Variants in TECRL observed in about 807,000 individuals in gnomAD.
The protein encoded by TECRL is trans-2,3-enoyl-CoA reductase like.
In TECRL, 63 loss-of-function variants were observed where a neutral mutation model predicts 52.8. The observed-to-expected ratio is 1.19, with a 90% CI of 0.97 to 1.47. The LOEUF (loss-of-function observed/expected upper bound fraction) is 1.47, where lower values mean the gene tolerates loss of function less well. Ranked by LOEUF, TECRL falls within the 40% of genes most tolerant of loss-of-function variation. The pLI, the probability that TECRL is intolerant of heterozygous loss-of-function variation, is 0.00. For missense variants in TECRL, 482 were observed against 429.6 expected, an observed-to-expected ratio of 1.12 and a Z score of -1.08; for synonymous variants, 164 against 141.9, an observed-to-expected ratio of 1.16 and a Z score of -1.10.
intron 7 of TECRL, among the ~76,000 whole-genome samples, chr4:64,304,109 T>C (rs1724185219): frequency 1.3e-5 from 2 of 152,072 alleles, no homozygotes; most frequent in South Asian, 4.1e-4. Context: ...TTAACTACTA[T>C]TATTATTTTG....
chr4:64,318,149 C>G (rs73228576), intron 4 of TECRL, among the ~76,000 whole-genome samples: 1,741 of 152,216 alleles, frequency 0.011, 45 homozygotes, highest in African/African-American at 0.04. Context: ...TTTTCACATA[C>G]ATTTTCTGTA....
At chr4:64,305,618 G>T (rs1291304964) in intron 6 of TECRL, among the ~76,000 whole-genome samples, 1 of 152,130 alleles carries the variant, frequency 6.6e-6, no homozygotes, top group Non-Finnish European at 1.5e-5. Flanking sequence ...CCAGCCACCT[G>T]CAGAGGCACA....
chr4:64,369,825 A>C (rs1721863458), intron 2 of TECRL, among the ~76,000 whole-genome samples: 1 of 152,028 alleles, frequency 6.6e-6, no homozygotes, highest in Non-Finnish European at 1.5e-5. Flanking sequence ...GAAAAAAGTT[A>C]ATTGTTTTTA....
chr4:64,390,935 A>G (rs1723505570), intron 1 of TECRL, among the ~76,000 whole-genome samples: 1 of 151,894 alleles, frequency 6.6e-6, no homozygotes, highest in Non-Finnish European at 1.5e-5. Flanking sequence ...GAAAGTTCAT[A>G]TCACTAATGA....
chr4:64,318,357 T>C (rs2110020419), intron 4 of TECRL, among the ~76,000 whole-genome samples: 1 of 151,990 alleles, frequency 6.6e-6, no homozygotes, highest in African/African-American at 2.4e-5. Flanking sequence ...AAAAGAAAAA[T>C]ATTGAAATGT....
At chr4:64,287,405 T>A (rs1723133056) in intron 9 of TECRL, among the ~76,000 whole-genome samples, 1 of 152,196 alleles carries the variant, frequency 6.6e-6, no homozygotes. Context: ...ATGTTTTATA[T>A]GTTTCACTAG....
At chr4:64,364,261 G>A (rs1237641061) in intron 2 of TECRL, among the ~76,000 whole-genome samples, 2 of 152,022 alleles carry the variant, frequency 1.3e-5, no homozygotes, top group African/African-American at 2.4e-5. Flanking sequence ...CACAACTAAA[G>A]CAGTGTTAAC....
intron 8 of TECRL, among the ~76,000 whole-genome samples, chr4:64,294,521 C>A (rs775704879): frequency 1.4e-4 from 21 of 151,928 alleles, no homozygotes; most frequent in Non-Finnish European, 2.8e-4. Context: ...TAGGTACCGA[C>A]GAAGAAACAT....
chr4:64,400,324 C>G (rs12511413), intron 1 of TECRL, among the ~76,000 whole-genome samples: 97,360 of 151,948 alleles, frequency 0.64, 32,479 homozygotes, highest in Non-Finnish European at 0.74. Context: ...TTGTATCTTG[C>G]ATGTAACTAA....
In TECRL at chr4:64,338,968, G is replaced by A. The variant is rs553467611; in HGVS notation, c.287-10412C>T. Among the ~76,000 whole-genome samples the A allele has an allele frequency of 1.7e-4, 26 of 152,126 alleles. No homozygotes were observed. The East Asian group carries it at 3.9e-3, about 23-fold the overall frequency. On this transcript the variant is annotated intron_variant, in intron 2 of 11. Coordinates refer to ENST00000381210, the MANE Select transcript of TECRL (RefSeq NM_001010874.5). ...AAAGGAATATAAATCATGCTGCTATGAAGACACATGCACATGTATGTTTAT... is the reference window on the plus strand; with the variant it reads ...AAAGGAATATAAATCATGCTGCTATAAAGACACATGCACATGTATGTTTAT...
intron 1 of TECRL, 92 bp downstream of exon 1, chr4:64,409,026 T>C: frequency 2.7e-6 from 3 of 1,127,756 alleles, no homozygotes; most frequent in Non-Finnish European, 2.5e-6. Flanking sequence ...TTCAGAACAG[T>C]CGTGTTAGAA....
At chr4:64,373,624 A>T (rs1722134319) in intron 2 of TECRL, among the ~76,000 whole-genome samples, 2 of 151,706 alleles carry the variant, frequency 1.3e-5, no homozygotes, top group South Asian at 4.1e-4. Context: ...ACTTTGATTC[A>T]TGTACCCATT....
At chr4:64,348,619 T>C (rs1720158026) in intron 2 of TECRL, among the ~76,000 whole-genome samples, 1 of 152,218 alleles carries the variant, frequency 6.6e-6, no homozygotes. Flanking sequence ...TCTCATCTAC[T>C]GACATCAAAG....
chr4:64,395,539 T>C (rs566354881), intron 1 of TECRL, among the ~76,000 whole-genome samples: 7 of 152,298 alleles, frequency 4.6e-5, no homozygotes, highest in East Asian at 1.9e-4. Context: ...TACCAAAATG[T>C]ATTGATATCA....
At chr4:64,376,998 C>G (rs1175665474) in intron 1 of TECRL, among the ~76,000 whole-genome samples, 3 of 152,012 alleles carry the variant, frequency 2.0e-5, no homozygotes, top group Non-Finnish European at 4.4e-5. Flanking sequence ...GTATGCCATT[C>G]TCCACGCCAG....
chr4:64,367,949 T>A (rs1721717948), intron 2 of TECRL, among the ~76,000 whole-genome samples: 1 of 152,068 alleles, frequency 6.6e-6, no homozygotes, highest in African/African-American at 2.4e-5. Flanking sequence ...GTGGGCACAT[T>A]TGTTAGGATT....
Position 64,335,792 on chromosome 4 carries a change from TAAATGCTGCTTCAA to T in TECRL, c.287-7250_287-7237del, listed in dbSNP as rs562165754. Among the ~76,000 whole-genome samples the T allele has an allele frequency of 3.5e-3, 528 of 152,328 alleles. 20 individuals carry two copies. The highest frequency in any genetic ancestry group is 0.033 in the Admixed American group (511 of 15,298). ...GAGTATTAGGAGTCCTTTTTCTTATTAAATGCTGCTTCAAAAATATTTGTTTTCTTGATTTGCAT... is the reference window on the plus strand; with the variant it reads ...GAGTATTAGGAGTCCTTTTTCTTATTAAATATTTGTTTTCTTGATTTGCAT... On this transcript the variant is annotated intron_variant, in intron 2 of 11. Coordinates refer to ENST00000381210, the MANE Select transcript of TECRL (RefSeq NM_001010874.5).
intron 1 of TECRL, among the ~76,000 whole-genome samples, chr4:64,406,663 C>A (rs1724748791): frequency 1.3e-5 from 2 of 151,990 alleles, no homozygotes; most frequent in African/African-American, 4.8e-5. Context: ...ATTTTATTAA[C>A]CCATATTCTA....
chr4:64,374,630 C>A (rs933197210), intron 2 of TECRL, among the ~76,000 whole-genome samples: 6 of 150,920 alleles, frequency 4.0e-5, no homozygotes, highest in Non-Finnish European at 7.4e-5. Context: ...TCTCATTGTT[C>A]AATTCCCACC....
Sources: gnomAD v4.1 joint callset for allele counts (sites outside exome capture counted in the v4.1 genomes callset) on GRCh38, gnomAD v4.1.1 for gene constraint, MANE v1.5 for transcripts, NCBI Gene and HGNC (gene_info 2026-07-23, HGNC 2026-07-21) for gene names.